The following STMN2 variants were observed in gnomAD, a reference collection of about 807,000 sequenced individuals.
The protein encoded by STMN2 is stathmin 2.
In STMN2, 2 loss-of-function variants were observed where a neutral mutation model predicts 24.1. That is an observed-to-expected ratio of 0.08 (90% CI 0.03 to 0.26). The LOEUF is 0.26. Ranked by LOEUF, STMN2 falls within the 10% of genes least tolerant of loss-of-function variation. STMN2 has a pLI of 1.00. For missense variants in STMN2, 114 were observed against 213.6 expected (o/e 0.53, Z 2.91); for synonymous variants, 83 against 77.5 (o/e 1.07, Z -0.37).
intron 1 of STMN2, among the ~76,000 whole-genome samples, chr8:79,627,850 T>C (rs188475789): frequency 1.3e-5 from 2 of 152,356 alleles, no homozygotes; most frequent in African/African-American, 4.8e-5. Context: ...AGTGAGATCA[T>C]GCAGTATTTG....
chr8:79,627,806 C>T (rs1218479757), intron 1 of STMN2, among the ~76,000 whole-genome samples: 1 of 152,192 alleles, frequency 6.6e-6, no homozygotes, highest in Non-Finnish European at 1.5e-5. Flanking sequence ...CTGGAAACCA[C>T]CCTTCTACTC....
At chr8:79,636,728 A>G in intron 1 of STMN2, 74 bp from the exon 2 acceptor site, 1 of 1,349,974 alleles carries the variant, frequency 7.4e-7, no homozygotes, top group Non-Finnish European at 1.0e-6. Flanking sequence ...AATAATTATT[A>G]TTCAAATTAA....
chr8:79,616,905 G>A (rs571388018), intron 1 of STMN2, among the ~76,000 whole-genome samples: 7 of 152,294 alleles, frequency 4.6e-5, no homozygotes, highest in Admixed American at 4.6e-4. Context: ...GTGCGAGAGA[G>A]AGAGACAGAC....
chr8:79,662,043 T>A (rs1806513832), intron 4 of STMN2, among the ~76,000 whole-genome samples: 1 of 152,104 alleles, frequency 6.6e-6, no homozygotes, highest in Non-Finnish European at 1.5e-5. Context: ...CCTAGTGAGA[T>A]TAAAGGGACA....
chr8:79,617,673 C>T (rs1002894426), intron 1 of STMN2, among the ~76,000 whole-genome samples: 1 of 152,180 alleles, frequency 6.6e-6, no homozygotes, highest in Non-Finnish European at 1.5e-5. Flanking sequence ...TCTGTATAAC[C>T]TCATTTGGAG....
At chr8:79,664,321 G>C in intron 4 of STMN2, among the ~76,000 whole-genome samples, 1 of 152,304 alleles carries the variant, frequency 6.6e-6, no homozygotes, top group South Asian at 2.1e-4. Context: ...AAAGATGGGG[G>C]TTATGACTGG....
At position 79,619,440 on chromosome 8, in the gene STMN2, A is replaced by G. The variant is rs146425555; in HGVS notation, c.19+8226A>G. On this transcript the variant is annotated intron_variant, in intron 1 of 4. Coordinates refer to ENST00000220876, the MANE Select transcript of STMN2 (RefSeq NM_007029.4). The stretch of plus-strand genomic sequence containing the variant: ...TAACAAAGCTGCTCACAGTAAACCT[A>G]TTATAATAATAGTTTCCCAGTTTGG... Among the ~76,000 whole-genome samples the G allele has an allele frequency of 2.9e-4, 44 of 152,274 alleles. 1 individual carries two copies. The East Asian group carries it at 7.1e-3, about 25-fold the overall frequency.
intron 1 of STMN2, among the ~76,000 whole-genome samples, chr8:79,616,807 A>G (rs1809391256): frequency 6.6e-6 from 1 of 152,216 alleles, no homozygotes; most frequent in Non-Finnish European, 1.5e-5. Context: ...TTTTAAAATT[A>G]TATTCATATT....
chr8:79,613,364 C>G (rs1265736797), intron 1 of STMN2: 1 of 984,572 alleles, frequency 1.0e-6, no homozygotes, highest in Non-Finnish European at 1.2e-6. Flanking sequence ...AGCCCCGCGC[C>G]GCGCCCTGCG....
intron 1 of STMN2, among the ~76,000 whole-genome samples, chr8:79,628,202 C>T (rs144131948): frequency 1.6e-4 from 24 of 151,684 alleles, no homozygotes; most frequent in African/African-American, 5.1e-4. Flanking sequence ...CTTGCTATGT[C>T]GCCCAGGCTG....
chr8:79,629,166 C>G (rs1038867927), intron 1 of STMN2, among the ~76,000 whole-genome samples: 2 of 152,114 alleles, frequency 1.3e-5, no homozygotes, highest in African/African-American at 4.8e-5. Context: ...ACCTCACAGG[C>G]TCTGTTATTC....
chr8:79,657,030 C>T lies in STMN2; in HGVS notation c.480+1968C>T, dbSNP rs182804969. Among the ~76,000 whole-genome samples, 33 of 152,224 alleles carry T rather than the reference C, an allele frequency of 2.2e-4. No homozygotes were observed. The East Asian group carries it at 2.7e-3, about 12-fold the overall frequency. ...CTGAGATTACAGGCGTATACCACCACGCCCAGCTAATTTTTGTATTTTTAG... is the reference window on the plus strand; with the variant it reads ...CTGAGATTACAGGCGTATACCACCATGCCCAGCTAATTTTTGTATTTTTAG... On this transcript the variant is annotated intron_variant, in intron 4 of 4. Transcript: ENST00000220876.
chr8:79,625,410 G>A (rs1585880214), intron 1 of STMN2, among the ~76,000 whole-genome samples: 2 of 152,120 alleles, frequency 1.3e-5, no homozygotes, highest in South Asian at 4.1e-4. Context: ...AGGTGAGAAA[G>A]GAAAGGAGGT....
chr8:79,659,815 T>C (rs901936086), intron 4 of STMN2, among the ~76,000 whole-genome samples: 2 of 152,146 alleles, frequency 1.3e-5, no homozygotes, highest in Non-Finnish European at 2.9e-5. Flanking sequence ...ACATTAGCTA[T>C]GATTTGCAGT....
In STMN2 at chr8:79,613,507, G is replaced by A. The variant is rs181675242; in HGVS notation, c.19+2293G>A. The A allele has an allele frequency of 3.2e-3, 3,146 of 985,504 alleles. 5 individuals carry two copies. The highest frequency in any genetic ancestry group is 3.3e-3 in the Non-Finnish European group (2,740 of 829,944). 61.0% of individuals were successfully genotyped at this position (985,504 alleles called of 1,614,324 possible). On this transcript the variant is annotated intron_variant, in intron 1 of 4. Coordinates refer to ENST00000220876, the MANE Select transcript of STMN2 (RefSeq NM_007029.4). ...CACGTCCAGAAAGGTTCTGAGAATG[G>A]GTGGTGGGGGCGATCTCGCCTCGCT...
At chr8:79,613,359 C>G (rs565300858) in intron 1 of STMN2, 1 of 984,006 alleles carries the variant, frequency 1.0e-6, no homozygotes, top group South Asian at 4.7e-5. Flanking sequence ...TGCAGAGCCC[C>G]GCGCCGCGCC....
intron 4 of STMN2, among the ~76,000 whole-genome samples, chr8:79,660,002 G>T (rs963930866): frequency 6.6e-6 from 1 of 152,094 alleles, no homozygotes; most frequent in Non-Finnish European, 1.5e-5. Context: ...CATTAATGTA[G>T]TACTTAATTA....
At chr8:79,663,473 G>T (rs1326829832) in intron 4 of STMN2, 2 of 605,522 alleles carry the variant, frequency 3.3e-6, no homozygotes, top group Non-Finnish European at 5.4e-6. Flanking sequence ...ATGCAGGTCT[G>T]GTACACATTA....
intron 1 of STMN2, chr8:79,613,755 A>G (rs1809309146): frequency 2.7e-5 from 27 of 985,426 alleles, no homozygotes; most frequent in Non-Finnish European, 3.3e-5. Flanking sequence ...TTCCCCCACA[A>G]AAAGGTAAAT....
Sources: allele counts gnomAD v4.1 joint callset (sites outside exome capture counted in the v4.1 genomes callset), GRCh38; gene constraint gnomAD v4.1.1; transcripts MANE v1.5; gene names NCBI Gene and HGNC (gene_info 2026-07-23, HGNC 2026-07-21).